The following CFAP47 variants were observed in gnomAD, a reference collection of about 807,000 sequenced individuals.
CFAP47 encodes the protein cilia and flagella associated protein 47, also known as cilia- and flagella-associated protein 47.
CFAP47 carries 29 observed loss-of-function variants against 148.1 expected under a neutral mutation model. The observed-to-expected ratio is 0.20, with a 90% CI of 0.15 to 0.27. The LOEUF is 0.27. Ranked by LOEUF, CFAP47 falls within the 10% of genes least tolerant of loss-of-function variation. The pLI is 1.00. For missense variants in CFAP47, 1,872 were observed against 1,697.5 expected (o/e 1.10, Z -1.81); for synonymous variants, 664 against 577.3 (o/e 1.15, Z -2.15).
Position 35,973,352 on chromosome X carries a change from G to C in CFAP47, c.2254+1387G>C, listed in dbSNP as rs750073067. On this transcript the variant is annotated intron_variant, in intron 13 of 63. Transcript: ENST00000378653. ...CTACAGGCATCCGCCACCACACCTG[G>C]CTAATTTTTTGTATTTTTAGTAGAG... Among the ~76,000 whole-genome samples the C allele has an allele frequency of 2.4e-4, 27 of 110,428 alleles. No homozygotes were observed. In the South Asian group the frequency reaches 0.011, roughly 43 times the overall value.
At chrX:36,191,408 G>A (rs1464032748) in intron 42 of CFAP47, among the ~76,000 whole-genome samples, 10 of 111,325 alleles carry the variant, frequency 9.0e-5, no homozygotes, top group African/African-American at 3.3e-4. Flanking sequence ...TAATTAACAT[G>A]TTATCTCAAT....
intron 29 of CFAP47, among the ~76,000 whole-genome samples, chrX:36,081,714 C>T (rs1029394838): frequency 9.0e-6 from 1 of 111,128 alleles, no homozygotes; most frequent in African/African-American, 3.3e-5. Flanking sequence ...AATGATTCAC[C>T]GCATGTAAGG....
chrX:35,998,826 A>G (rs1936879276), intron 19 of CFAP47, among the ~76,000 whole-genome samples: 1 of 111,456 alleles, frequency 9.0e-6, no homozygotes, highest in Admixed American at 9.6e-5. Flanking sequence ...TCCTTGAAAA[A>G]TATTAGATAA....
At chrX:36,251,261 A>T (rs1940687987) in intron 48 of CFAP47, 72 bp from the exon 49 acceptor site, 2 of 324,745 alleles carry the variant, frequency 6.2e-6, no homozygotes, top group African/African-American at 2.7e-5. Context: ...TGTTACAGTA[A>T]TTTCATGTAG....
At chrX:36,207,083 G>A (rs190111178) in intron 45 of CFAP47, among the ~76,000 whole-genome samples, 7 of 111,874 alleles carry the variant, frequency 6.3e-5, no homozygotes, top group African/African-American at 1.6e-4. Flanking sequence ...TAAAAGGCAT[G>A]CCCTAAACTC....
At chrX:36,362,357 A>G (rs1266976515) in intron 61 of CFAP47, among the ~76,000 whole-genome samples, 1 of 111,494 alleles carries the variant, frequency 9.0e-6, no homozygotes, top group Non-Finnish European at 1.9e-5. Flanking sequence ...TGTTTTTCCC[A>G]TGTTTATGTC....
chrX:36,065,629 G>A lies in CFAP47; in HGVS notation c.4218-14G>A. ...AATTTTTATTGTATTGAAATGCAAT[G>A]TTTTCACTTTCAGGTTTTCACTTCC... On this transcript the variant is annotated splice_polypyrimidine_tract_variant and intron_variant, in intron 26 of 63. Transcript: ENST00000378653. 1.8e-6 allele frequency: 2 copies of A among 1,103,360 alleles called. No homozygotes were observed. Among genetic ancestry groups the A allele is most frequent in the Non-Finnish European group, 2.5e-6 (2 of 803,335 alleles). The allele number at this position is 1,103,360 out of a possible 1,213,427, so 90.9% of individuals were successfully genotyped here. A position where few individuals can be genotyped will look rare whatever the true frequency, so the allele number is the denominator to read the frequency against.
At chrX:36,368,328 T>C (rs1941898257) in intron 62 of CFAP47, among the ~76,000 whole-genome samples, 1 of 111,651 alleles carries the variant, frequency 9.0e-6, no homozygotes, top group Admixed American at 9.6e-5. Flanking sequence ...TAAGAGTGAA[T>C]GGAGGTAGAT....
chrX:36,103,501 GAAAAAAAAAAAAAA>G (rs61501194), intron 32 of CFAP47, among the ~76,000 whole-genome samples: 10 of 15,047 alleles, frequency 6.6e-4, no homozygotes, highest in East Asian at 2.0e-3. Context: ...TCATATGCCA[GAAAAAAAAAAAAAA>G]AAAAAAAAAA....
intron 39 of CFAP47, among the ~76,000 whole-genome samples, 186 bp from the exon 40 acceptor site, chrX:36,179,159 T>C (rs899111952): frequency 3.6e-5 from 4 of 112,369 alleles, no homozygotes; most frequent in African/African-American, 1.3e-4. Context: ...TCCCGATCTT[T>C]CCCTTCTTTC....
intron 25 of CFAP47, among the ~76,000 whole-genome samples, chrX:36,039,723 T>G (rs1177392338): frequency 9.0e-6 from 1 of 111,521 alleles, no homozygotes; most frequent in Non-Finnish European, 1.9e-5. Context: ...TTTTTTTGCC[T>G]AGGGACACTC....
chrX:36,130,613 A>G (rs904292075), intron 33 of CFAP47, among the ~76,000 whole-genome samples: 1 of 111,249 alleles, frequency 9.0e-6, no homozygotes, highest in African/African-American at 3.3e-5. Context: ...TATTGAACAG[A>G]TATTTGCACT....
intron 41 of CFAP47, among the ~76,000 whole-genome samples, chrX:36,189,528 A>G (rs1939843625): frequency 1.8e-5 from 2 of 111,641 alleles, no homozygotes; most frequent in African/African-American, 6.5e-5. Flanking sequence ...CTAGCATACA[A>G]TTTGTAAGGA....
At chrX:36,154,392 T>G (rs1939342606) in intron 37 of CFAP47, among the ~76,000 whole-genome samples, 1 of 112,290 alleles carries the variant, frequency 8.9e-6, no homozygotes. Flanking sequence ...TCTTCCTCTG[T>G]TGTCTAGTAA....
chrX:36,340,924 TTA>T (rs1264405694), intron 57 of CFAP47, among the ~76,000 whole-genome samples: 3 of 111,560 alleles, frequency 2.7e-5, no homozygotes, highest in Non-Finnish European at 5.7e-5. Context: ...CTTGATCACT[TTA>T]TGTTTCAAAA....
chrX:36,004,755 G>A (rs1009085290), intron 21 of CFAP47, among the ~76,000 whole-genome samples: 16 of 110,433 alleles, frequency 1.4e-4, no homozygotes, highest in African/African-American at 4.9e-4. Context: ...AAATTGTCAT[G>A]AAGAAGCTCT....
intron 21 of CFAP47, among the ~76,000 whole-genome samples, chrX:36,006,763 C>T (rs193163884): frequency 1.8e-5 from 2 of 111,957 alleles, no homozygotes; most frequent in African/African-American, 3.2e-5. Flanking sequence ...ACTCAAGCTC[C>T]TCCTTTTCTT....
chrX:35,957,207 C>CAAAAAA (rs371147219), intron 8 of CFAP47, among the ~76,000 whole-genome samples: 1 of 33,707 alleles, frequency 3.0e-5, no homozygotes, highest in Non-Finnish European at 6.8e-5. Flanking sequence ...GACTCCATCT[C>CAAAAAA]AAAAAAAAAA....
At chrX:36,181,478 A>G (rs767468886) in intron 40 of CFAP47, among the ~76,000 whole-genome samples, 6 of 112,128 alleles carry the variant, frequency 5.4e-5, no homozygotes, top group African/African-American at 9.7e-5. Flanking sequence ...CCAATTCAGC[A>G]TGAAATATAG....
Sources: gnomAD v4.1 joint callset for allele counts (sites outside exome capture counted in the v4.1 genomes callset) on GRCh38, gnomAD v4.1.1 for gene constraint, MANE v1.5 for transcripts, NCBI Gene and HGNC (gene_info 2026-07-23, HGNC 2026-07-21) for gene names.